ZNF70: variants seen among roughly 807,000 people sequenced by gnomAD.
ZNF70 encodes zinc finger protein N27C7-1.
In ZNF70, 18 loss-of-function variants were observed where a neutral mutation model predicts 37.7. The ratio of observed to expected loss-of-function variants is 0.48; its 90% CI spans 0.33 to 0.71. The LOEUF (loss-of-function observed/expected upper bound fraction) is 0.71. ZNF70 is among the 30% of genes least tolerant of loss of function. ZNF70 has a pLI of 0.02. For synonymous variants in ZNF70, 219 were observed against 220.1 expected (o/e 0.99, Z 0.05); for missense variants, 506 against 568.6 (o/e 0.89, Z 1.12).
chr22:23,749,559 C>T (rs1409643161), intron 1 of ZNF70, among the ~76,000 whole-genome samples: 1 of 136,322 alleles, frequency 7.3e-6, no homozygotes, highest in Non-Finnish European at 1.5e-5. Context: ...AAAAAAGTAG[C>T]TGGGAATACA....
rs144883939 is a variant in ZNF70 at position 23,746,256 on chromosome 22, G to T, written c.-79-1037C>A. ...GAGTTTCACTCTTTCACCCAGGCTG[G>T]AGTGCAGTGGCACGATCTTGGATCA... On this transcript the variant is annotated intron_variant, in intron 1 of 1. Transcript: ENST00000341976. Among the ~76,000 whole-genome samples, 1,146 of 144,516 alleles carry T rather than the reference G, an allele frequency of 7.9e-3. 8 individuals are homozygous for T. The highest frequency in any genetic ancestry group is 0.012 in the Non-Finnish European group (779 of 66,700). 94.8% of individuals were successfully genotyped at this position (144,516 alleles called of 152,430 possible).
Position 23,743,788 on chromosome 22 carries a change from G to T in ZNF70, c.*12C>A, listed in dbSNP as rs770317997. The T allele has an allele frequency of 6.2e-7, 1 of 1,605,702 alleles. No homozygotes were observed. Among genetic ancestry groups the T allele is most frequent in the Non-Finnish European group, 8.5e-7 (1 of 1,175,658 alleles). On this transcript the variant is annotated 3_prime_UTR_variant, in exon 2 of 2. Coordinates refer to ENST00000341976, the MANE Select transcript of ZNF70 (RefSeq NM_021916.4). Reference sequence around the variant, plus strand: ...TGGCACAGGCTTTCAAGCTTTGTGTGGGCTCCTCTTTCTATAGCTTCTCCC... The same window carrying T: ...TGGCACAGGCTTTCAAGCTTTGTGTTGGCTCCTCTTTCTATAGCTTCTCCC...
rs1438694188 is a variant in ZNF70, at chr22:23,750,749, A to C, written c.-118T>G. The C allele has an allele frequency of 6.6e-6, 1 of 152,404 alleles. No homozygotes were observed. The highest frequency in any genetic ancestry group is 2.4e-5 in the African/African-American group (1 of 41,452). 9.4% of individuals were successfully genotyped at this position (152,404 alleles called of 1,614,324 possible). ...TTCTCCGGGTCCTCCTGCATCTGTCATCCCATCCTCCAGAGAGTCCCTAGG... is the reference window on the plus strand; with the variant it reads ...TTCTCCGGGTCCTCCTGCATCTGTCCTCCCATCCTCCAGAGAGTCCCTAGG... On this transcript the variant is annotated 5_prime_UTR_variant, in exon 1 of 2. It removes an upstream start codon present in the reference 5' UTR. Transcript: ENST00000341976.
chr22:23,749,167 C>T (rs1192954238), intron 1 of ZNF70, among the ~76,000 whole-genome samples: 6 of 151,524 alleles, frequency 4.0e-5, no homozygotes, highest in Admixed American at 6.6e-5. Flanking sequence ...TCAAGACCAG[C>T]CTGGCCAAGA....
In ZNF70 at chr22:23,747,633, C is replaced by T. The variant is rs113012743; in HGVS notation, c.-79-2414G>A. Among the ~76,000 whole-genome samples the T allele has an allele frequency of 4.6e-4, 70 of 152,156 alleles. 1 individual carries two copies. The highest frequency in any genetic ancestry group is 1.7e-3 in the African/African-American group (70 of 41,482). On this transcript the variant is annotated intron_variant, in intron 1 of 1. Coordinates refer to ENST00000341976, the MANE Select transcript of ZNF70 (RefSeq NM_021916.4). Reference sequence around the variant, plus strand: ...GATCACGAGGTCACGAGATCGAGACCATCCTGGCTAACACGGTGAAACCCC... The same window carrying T: ...GATCACGAGGTCACGAGATCGAGACTATCCTGGCTAACACGGTGAAACCCC...
intron 1 of ZNF70, among the ~76,000 whole-genome samples, chr22:23,749,984 G>C (rs1925270723): frequency 3.3e-5 from 5 of 152,176 alleles, no homozygotes; most frequent in Middle Eastern, 6.8e-3. Flanking sequence ...TCACCTCCTC[G>C]TCCGGCTGCA....
Position 23,739,189 on chromosome 22 carries a change from G to T in ZNF70, c.*4611C>A, listed in dbSNP as rs188426085. ...TGATAATATATTCAGGCCCAAAGAA[G>T]TCCTATGGACACTTAGAAATGTTGA... On this transcript the variant is annotated 3_prime_UTR_variant, in exon 2 of 2. Transcript: ENST00000341976. 1 of 152,236 alleles carries T rather than the reference G, an allele frequency of 6.6e-6. No individual in the cohort carries two copies. The highest frequency in any genetic ancestry group is 2.4e-5 in the African/African-American group (1 of 41,540). The allele number at this position is 152,236 out of a possible 1,614,324, so 9.4% of individuals were successfully genotyped here.
chr22:23,743,762 C>G lies in ZNF70; in HGVS notation c.*38G>C, dbSNP rs1173544255. 1 of 1,584,098 alleles carries G rather than the reference C, an allele frequency of 6.3e-7. No individual in the cohort carries two copies. The highest frequency in any genetic ancestry group is 8.6e-7 in the Non-Finnish European group (1 of 1,166,264). On this transcript the variant is annotated 3_prime_UTR_variant, in exon 2 of 2. Coordinates refer to ENST00000341976, the MANE Select transcript of ZNF70 (RefSeq NM_021916.4). ...ACGCGACGTGGAATAAAGGCTCCAT[C>G]TGGCACAGGCTTTCAAGCTTTGTGT... is the stretch of plus-strand genomic sequence containing the variant.
chr22:23,746,233 G>GT (rs1472415517), intron 1 of ZNF70, among the ~76,000 whole-genome samples: 4 of 134,592 alleles, frequency 3.0e-5, no homozygotes, highest in Non-Finnish European at 1.5e-5. Flanking sequence ...TTGAGATGGA[G>GT]TTTCACTCTT....
Position 23,741,213 on chromosome 22 carries a change from A to G in ZNF70, c.*2587T>C, listed in dbSNP as rs1924866246. ...GAGAAACCAAAGATAGGTAACAGAC[A>G]TTTGCCAGATGATAACGGTGGGGAA... On this transcript the variant is annotated 3_prime_UTR_variant, in exon 2 of 2. Coordinates refer to ENST00000341976, the MANE Select transcript of ZNF70 (RefSeq NM_021916.4). 1 of 152,256 alleles carries G rather than the reference A, an allele frequency of 6.6e-6. No homozygotes were observed. Among genetic ancestry groups the G allele is most frequent in the Admixed American group, 6.5e-5 (1 of 15,268 alleles). 9.4% of individuals were successfully genotyped at this position (152,256 alleles called of 1,614,324 possible). A position where few individuals can be genotyped will look rare whatever the true frequency, so the allele number is the denominator to read the frequency against.
intron 1 of ZNF70, among the ~76,000 whole-genome samples, chr22:23,749,762 A>G (rs1351614327): frequency 6.6e-6 from 1 of 151,758 alleles, no homozygotes; most frequent in African/African-American, 2.4e-5. Flanking sequence ...TTCTTTGATC[A>G]CTTCAACTCC....
Position 23,744,468 on chromosome 22 carries a change from CGTA to C in ZNF70, c.670_672del (p.Tyr224del). ...AAATCTTTCCCGCATTCCCTGCACT[CGTA>C]GGGCCTCTTTCCGGTGTGGATCTTT... On this transcript the variant is annotated inframe_deletion, in exon 2 of 2. Coordinates refer to ENST00000341976, the MANE Select transcript of ZNF70 (RefSeq NM_021916.4). The C allele has an allele frequency of 6.2e-7, 1 of 1,613,812 alleles. No individual in the cohort carries two copies. Among genetic ancestry groups the C allele is most frequent in the South Asian group, 1.1e-5 (1 of 91,064 alleles).
Position 23,745,223 on chromosome 22 carries a change from A to G in ZNF70, c.-79-4T>C. ...CCACACTTACTGTTCTCACAATCTG[A>G]AAAGAAAACAGGGAACTCTGTCAAG... On this transcript the variant is annotated splice_region_variant and splice_polypyrimidine_tract_variant and intron_variant, in intron 1 of 1. Coordinates refer to ENST00000341976, the MANE Select transcript of ZNF70 (RefSeq NM_021916.4). The G allele has an allele frequency of 6.9e-7, 1 of 1,456,514 alleles. No homozygotes were observed. The highest frequency in any genetic ancestry group is 9.3e-7 in the Non-Finnish European group (1 of 1,076,562). The allele number at this position is 1,456,514 out of a possible 1,614,324, so 90.2% of individuals were successfully genotyped here.
At position 23,744,007 on chromosome 22, in the gene ZNF70, C is replaced by T. The variant is rs368570781; in HGVS notation, c.1134G>A (p.Ala378=). The change falls in exon 2 of 2, where the codon GCG becomes GCA. Residue 378 remains alanine (A), a synonymous_variant. Coordinates refer to ENST00000341976, the MANE Select transcript of ZNF70 (RefSeq NM_021916.4). ...TGTGGATTCTCTGGTGCTGGATCAG[C>T]GCAGAGCTGTGGCAAAAGGCCTTGC... ...QCGKAFCHSS[A]LIQHQRIHTG... is the part of the protein sequence containing the mutation. 71 of 1,613,832 alleles carry T rather than the reference C, an allele frequency of 4.4e-5. No individual in the cohort carries two copies. Among genetic ancestry groups the T allele is most frequent in the Middle Eastern group, 1.6e-4 (1 of 6,084 alleles).
In ZNF70 at chr22:23,739,790, G is replaced by A. The variant is rs1159849632; in HGVS notation, c.*4010C>T. 2.0e-5 allele frequency: 3 copies of A among 151,572 alleles called. No individual in the cohort carries two copies. Among genetic ancestry groups the A allele is most frequent in the Non-Finnish European group, 4.4e-5 (3 of 67,972 alleles). 9.4% of individuals were successfully genotyped at this position (151,572 alleles called of 1,614,324 possible). A position where few individuals can be genotyped will look rare whatever the true frequency, so the allele number is the denominator to read the frequency against. On this transcript the variant is annotated 3_prime_UTR_variant, in exon 2 of 2. Coordinates refer to ENST00000341976, the MANE Select transcript of ZNF70 (RefSeq NM_021916.4). ...ATTTTTGTATTTTTAGTAGAGACGG[G>A]TTTTCACCATGTTGGCCAGGCTGGT... is the stretch of plus-strand genomic sequence containing the variant.
rs1421880627 is a variant in ZNF70 at position 23,738,899 on chromosome 22, T to C, written c.*4901A>G. Reference sequence around the variant, plus strand: ...GGTGTCACAGAGGCATTTAAAAATATAGTAAATACTACAGATCCTTGTCCC... The same window carrying C: ...GGTGTCACAGAGGCATTTAAAAATACAGTAAATACTACAGATCCTTGTCCC... On this transcript the variant is annotated 3_prime_UTR_variant, in exon 2 of 2. Transcript: ENST00000341976. The C allele has an allele frequency of 6.6e-6, 1 of 152,126 alleles. No individual in the cohort carries two copies. The highest frequency in any genetic ancestry group is 2.4e-5 in the African/African-American group (1 of 41,412). 9.4% of individuals were successfully genotyped at this position (152,126 alleles called of 1,614,324 possible). A position where few individuals can be genotyped will look rare whatever the true frequency, so the allele number is the denominator to read the frequency against.
chr22:23,749,803 A>G lies in ZNF70; in HGVS notation c.-80+908T>C, dbSNP rs145191555. Among the ~76,000 whole-genome samples, 333 of 151,872 alleles carry G rather than the reference A, an allele frequency of 2.2e-3. 3 individuals carry two copies. Among genetic ancestry groups the G allele is most frequent in the East Asian group, 0.02 (103 of 5,156 alleles). On this transcript the variant is annotated intron_variant, in intron 1 of 1. Transcript: ENST00000341976. ...CCCTCCCCCTCCTCTTCAGCAACCC[A>G]TAATCTCCAACTCTTCCAGCTCTCT...
intron 1 of ZNF70, among the ~76,000 whole-genome samples, chr22:23,747,567 C>A (rs980614618): frequency 1.3e-5 from 2 of 152,172 alleles, no homozygotes; most frequent in African/African-American, 4.8e-5. Context: ...CGCGGTGGCT[C>A]ACACCTGTAA....
intron 1 of ZNF70, among the ~76,000 whole-genome samples, chr22:23,750,010 C>T (rs1209584443): frequency 6.6e-6 from 1 of 152,184 alleles, no homozygotes; most frequent in African/African-American, 2.4e-5. Context: ...CCGCTAAGTC[C>T]CAGTCTTCTC....
Sources: gnomAD v4.1 joint callset for allele counts (sites outside exome capture counted in the v4.1 genomes callset) on GRCh38, gnomAD v4.1.1 for gene constraint, MANE v1.5 for transcripts, NCBI Gene and HGNC (gene_info 2026-07-23, HGNC 2026-07-21) for gene names.